GMDS: variants seen among roughly 807,000 people sequenced by gnomAD.
The protein encoded by GMDS is GDP-mannose 4,6-dehydratase, also known as GDP-mannose 4,6 dehydratase.
In GMDS, 20 loss-of-function variants were observed where a neutral mutation model predicts 49.9. The ratio of observed to expected loss-of-function variants is 0.40; its 90% confidence interval spans 0.28 to 0.58. GMDS has a LOEUF of 0.58. Ranked by LOEUF, GMDS falls within the 20% of genes least tolerant of loss-of-function variation. The pLI is 0.42. For synonymous variants in GMDS, 177 were observed against 178.6 expected, an observed-to-expected ratio of 0.99 and a Z score of 0.07; for missense variants, 362 against 481.4, an observed-to-expected ratio of 0.75 and a Z score of 2.32.
At chr6:1,948,962 T>C (rs914337518) in intron 6 of GMDS, 12 of 347,554 alleles carry the variant, frequency 3.5e-5, no homozygotes, top group African/African-American at 2.2e-4. Context: ...CCATCTTCTG[T>C]TGGCTGGCAC....
At chr6:2,073,307 A>G (rs750550857) in intron 4 of GMDS, among the ~76,000 whole-genome samples, 1 of 152,230 alleles carries the variant, frequency 6.6e-6, no homozygotes, top group African/African-American at 2.4e-5. Flanking sequence ...TAAAAAAGGA[A>G]TATCTTTAGT....
chr6:1,680,222 T>C (rs1202579883), intron 9 of GMDS, among the ~76,000 whole-genome samples: 3 of 152,214 alleles, frequency 2.0e-5, no homozygotes, highest in Non-Finnish European at 2.9e-5. Context: ...ACTTCACTTA[T>C]ATGAGGCATT....
chr6:1,789,203 A>G (rs1331685987), intron 7 of GMDS, among the ~76,000 whole-genome samples: 1 of 152,194 alleles, frequency 6.6e-6, no homozygotes, highest in East Asian at 1.9e-4. Context: ...CCCTTATTAC[A>G]TCAACGTGTT....
At chr6:2,071,500 C>T (rs908218670) in intron 4 of GMDS, among the ~76,000 whole-genome samples, 21 of 152,066 alleles carry the variant, frequency 1.4e-4, no homozygotes, top group Admixed American at 1.3e-4. Flanking sequence ...GTATATCCCA[C>T]ATGGCTACCT....
chr6:1,956,263 C>G (rs1763633366), intron 6 of GMDS, among the ~76,000 whole-genome samples: 1 of 152,148 alleles, frequency 6.6e-6, no homozygotes, highest in Non-Finnish European at 1.5e-5. Context: ...CTACAAGACT[C>G]CATAGATGAA....
rs529823267 is a variant in GMDS, at chr6:2,172,559, G to A, written c.103-47828C>T. ...TACCAAAAAATTAGCCAGGCATGGT[G>A]GTGGGCACCTATAATCCCAGCTACT... On this transcript the variant is annotated intron_variant, in intron 1 of 10. Transcript: ENST00000380815. Among the ~76,000 whole-genome samples, 22 of 152,232 alleles carry A rather than the reference G, an allele frequency of 1.4e-4. 1 individual carries two copies. In the East Asian group the frequency reaches 4.0e-3, roughly 28 times the overall value.
At chr6:1,988,548 C>T (rs7755470) in intron 4 of GMDS, among the ~76,000 whole-genome samples, 26,079 of 151,922 alleles carry the variant, frequency 0.17, 3,199 homozygotes, top group African/African-American at 0.35. Context: ...CCCAACTGCA[C>T]GTTCTTCCCG....
chr6:1,651,516 T>A (rs886465592), intron 9 of GMDS, among the ~76,000 whole-genome samples: 10 of 152,212 alleles, frequency 6.6e-5, no homozygotes, highest in African/African-American at 2.4e-4. Context: ...GGGCACACCC[T>A]CCTTTAACTA....
At chr6:1,742,765 G>A (rs1334819914) in intron 7 of GMDS, among the ~76,000 whole-genome samples, 179 bp from the exon 8 acceptor site, 5 of 152,184 alleles carry the variant, frequency 3.3e-5, no homozygotes, top group African/African-American at 7.2e-5. Context: ...AATAACATGA[G>A]GAACTTCTTG....
At chr6:1,733,929 T>C (rs1766917780) in intron 8 of GMDS, among the ~76,000 whole-genome samples, 1 of 151,252 alleles carries the variant, frequency 6.6e-6, no homozygotes, top group Non-Finnish European at 1.5e-5. Flanking sequence ...GCAGAAGGGC[T>C]GAGGCCATAG....
intron 9 of GMDS, among the ~76,000 whole-genome samples, chr6:1,709,563 C>T (rs1460361860): frequency 6.6e-6 from 1 of 152,198 alleles, no homozygotes; most frequent in Non-Finnish European, 1.5e-5. Context: ...TGTTGCCTGG[C>T]CCCCAGGACC....
At chr6:1,801,480 T>C (rs1244954198) in intron 7 of GMDS, among the ~76,000 whole-genome samples, 1 of 152,248 alleles carries the variant, frequency 6.6e-6, no homozygotes, top group Non-Finnish European at 1.5e-5. Flanking sequence ...TAAAGGTTTA[T>C]AGCTGTATAA....
chr6:1,946,637 T>G (rs1763086095), intron 6 of GMDS, among the ~76,000 whole-genome samples: 1 of 152,224 alleles, frequency 6.6e-6, no homozygotes, highest in Non-Finnish European at 1.5e-5. Flanking sequence ...TCAGATGCAC[T>G]TAGAATTCAG....
At chr6:1,737,931 A>G (rs1005035236) in intron 8 of GMDS, among the ~76,000 whole-genome samples, 1 of 149,876 alleles carries the variant, frequency 6.7e-6, no homozygotes, top group African/African-American at 2.5e-5. Flanking sequence ...AGATACATAC[A>G]CACCACACAC....
chr6:2,169,964 G>C (rs1317818219), intron 1 of GMDS, among the ~76,000 whole-genome samples: 1 of 152,218 alleles, frequency 6.6e-6, no homozygotes, highest in Non-Finnish European at 1.5e-5. Context: ...AGCACTTTGG[G>C]AGGCCAAGGT....
intron 7 of GMDS, among the ~76,000 whole-genome samples, chr6:1,861,029 C>CAAG (rs1403158178): frequency 1.3e-5 from 2 of 152,340 alleles, no homozygotes; most frequent in Non-Finnish European, 2.9e-5. Flanking sequence ...CTTCTCCATT[C>CAAG]AAGAACAGAG....
chr6:1,927,302 T>G (rs200603073), intron 7 of GMDS, among the ~76,000 whole-genome samples: 2 of 19,074 alleles, frequency 1.0e-4, no homozygotes, highest in Admixed American at 5.1e-4. Context: ...GGTGTATTTT[T>G]ATTCAGAGGG....
intron 1 of GMDS, among the ~76,000 whole-genome samples, chr6:2,156,310 T>C (rs1777111123): frequency 6.6e-6 from 1 of 152,166 alleles, no homozygotes; most frequent in Admixed American, 6.6e-5. Flanking sequence ...CTTCCTATGG[T>C]AATGCAATTA....
At chr6:1,966,693 C>A (rs1025582542) in intron 4 of GMDS, among the ~76,000 whole-genome samples, 1 of 152,190 alleles carries the variant, frequency 6.6e-6, no homozygotes, top group Non-Finnish European at 1.5e-5. Flanking sequence ...GAGCAACAGC[C>A]TCTCATATGT....
Sources: allele counts gnomAD v4.1 joint callset (sites outside exome capture counted in the v4.1 genomes callset), GRCh38; gene constraint gnomAD v4.1.1; transcripts MANE v1.5; gene names NCBI Gene and HGNC (gene_info 2026-07-23, HGNC 2026-07-21).